Variants in PALM2AKAP2 observed in about 807,000 individuals in gnomAD.
PALM2AKAP2 encodes PALM2-AKAP2 fusion protein.
Under a neutral mutation model 71.5 loss-of-function variants are expected in PALM2AKAP2, and 37 were observed. The observed-to-expected ratio is 0.52, with a 90% CI of 0.40 to 0.68. The LOEUF is 0.68. PALM2AKAP2 is among the 30% of genes least tolerant of loss of function. The probability of loss-of-function intolerance (pLI) is 0.00; values close to 1 mark genes in which losing one functional copy is unlikely to be tolerated. For synonymous variants in PALM2AKAP2, 468 were observed against 478.8 expected (o/e 0.98, Z 0.29); for missense variants, 1,224 against 1,191.8 (o/e 1.03, Z -0.40).
intron 5 of PALM2AKAP2, among the ~76,000 whole-genome samples, chr9:109,926,014 G>C (rs1830948970): frequency 6.6e-6 from 1 of 152,152 alleles, no homozygotes; most frequent in African/African-American, 2.4e-5. Flanking sequence ...CAAGGCTGCA[G>C]TGAGCTATGG....
chr9:110,161,849 A>C (rs997047331), intron 3 of PALM2AKAP2, among the ~76,000 whole-genome samples: 3 of 152,102 alleles, frequency 2.0e-5, no homozygotes, highest in Admixed American at 1.3e-4. Context: ...AACGTTTTGA[A>C]TTAACAAAGT....
chr9:110,105,940 G>A (rs1835109325), intron 1 of PALM2AKAP2, among the ~76,000 whole-genome samples: 1 of 148,246 alleles, frequency 6.7e-6, no homozygotes, highest in African/African-American at 2.4e-5. Flanking sequence ...AGTCTAGGCT[G>A]TTTTATATAT....
At chr9:109,742,420 T>C (rs1190959643) in intron 1 of PALM2AKAP2, among the ~76,000 whole-genome samples, 1 of 152,204 alleles carries the variant, frequency 6.6e-6, no homozygotes, top group Non-Finnish European at 1.5e-5. Flanking sequence ...ATGAGCCTTA[T>C]GTATGAGCAG....
At chr9:109,686,614 T>C (rs188306780) in intron 1 of PALM2AKAP2, among the ~76,000 whole-genome samples, 6 of 151,994 alleles carry the variant, frequency 3.9e-5, no homozygotes, top group African/African-American at 1.2e-4. Context: ...TGTTGTTCCA[T>C]TTATTTATTT....
At chr9:109,898,404 T>A (rs1471894649) in intron 3 of PALM2AKAP2, among the ~76,000 whole-genome samples, 5 of 152,232 alleles carry the variant, frequency 3.3e-5, no homozygotes, top group Admixed American at 3.3e-4. Context: ...TCTCAGACAT[T>A]TGAAAACACA....
At chr9:109,886,450 T>G (rs1261463360) in intron 3 of PALM2AKAP2, among the ~76,000 whole-genome samples, 2 of 152,220 alleles carry the variant, frequency 1.3e-5, no homozygotes, top group Non-Finnish European at 2.9e-5. Context: ...GTTTTTAACT[T>G]CCTTTGATTA....
exon 2 of PALM2AKAP2, chr9:110,137,898 C>T (rs749905022): frequency 5.0e-6 from 8 of 1,614,210 alleles, no homozygotes; most frequent in Non-Finnish European, 6.8e-6. Context: ...TCCCCTTCCT[C>T]CACGCTGGGG....
chr9:109,875,834 C>A (rs1398536739), intron 2 of PALM2AKAP2, among the ~76,000 whole-genome samples: 1 of 152,176 alleles, frequency 6.6e-6, no homozygotes, highest in East Asian at 1.9e-4. Context: ...GCTGGCCAGG[C>A]CAGTAGAGCC....
intron 3 of PALM2AKAP2, among the ~76,000 whole-genome samples, chr9:110,165,988 T>C (rs1238577702): frequency 6.6e-6 from 1 of 152,222 alleles, no homozygotes; most frequent in African/African-American, 2.4e-5. Flanking sequence ...AGATTTATTT[T>C]TAGCTTTGAT....
At chr9:110,013,754 A>G (rs1832924810) in intron 6 of PALM2AKAP2, among the ~76,000 whole-genome samples, 1 of 152,246 alleles carries the variant, frequency 6.6e-6, no homozygotes. Flanking sequence ...AAAAGTAACC[A>G]GTGTTAATAC....
At chr9:110,168,372 G>A (rs757538948) in intron 3 of PALM2AKAP2, 27 bp from the exon 11 acceptor site, 6 of 1,610,084 alleles carry the variant, frequency 3.7e-6, no homozygotes, top group Non-Finnish European at 5.1e-6. Flanking sequence ...CATGAACTCT[G>A]CATAATTTTT....
chr9:109,983,671 C>A (rs948179314), intron 6 of PALM2AKAP2, among the ~76,000 whole-genome samples: 3 of 151,902 alleles, frequency 2.0e-5, no homozygotes, highest in Non-Finnish European at 1.5e-5. Flanking sequence ...TCGAGACCAG[C>A]CTGACCAACA....
chr9:109,699,786 T>TG (rs1329351130), intron 1 of PALM2AKAP2, among the ~76,000 whole-genome samples: 1 of 151,814 alleles, frequency 6.6e-6, no homozygotes, highest in African/African-American at 2.4e-5. Context: ...TTATTTTTTT[T>TG]TTTTTTGAGA....
chr9:109,933,977 A>T (rs757950425), intron 6 of PALM2AKAP2, among the ~76,000 whole-genome samples: 1 of 152,218 alleles, frequency 6.6e-6, no homozygotes, highest in African/African-American at 2.4e-5. Flanking sequence ...TGCTTTAGGA[A>T]TGTCCTTTTG....
intron 1 of PALM2AKAP2, among the ~76,000 whole-genome samples, chr9:109,748,140 C>T (rs907937544): frequency 3.3e-5 from 5 of 152,188 alleles, no homozygotes; most frequent in Non-Finnish European, 7.4e-5. Flanking sequence ...AGTTGATTAA[C>T]CACTTGGAAT....
At chr9:109,710,000 C>T (rs1301185492) in intron 1 of PALM2AKAP2, among the ~76,000 whole-genome samples, 1 of 152,062 alleles carries the variant, frequency 6.6e-6, no homozygotes, top group Non-Finnish European at 1.5e-5. Flanking sequence ...GACAGGTGTC[C>T]TTATAAGAAG....
chr9:109,784,579 T>G (rs1024147761), intron 1 of PALM2AKAP2, among the ~76,000 whole-genome samples: 1 of 152,244 alleles, frequency 6.6e-6, no homozygotes, highest in Non-Finnish European at 1.5e-5. Flanking sequence ...TGAAATGCTT[T>G]TCAGCATGTA....
intron 1 of PALM2AKAP2, among the ~76,000 whole-genome samples, chr9:110,087,900 A>G (rs1325592689): frequency 6.6e-6 from 1 of 152,130 alleles, no homozygotes; most frequent in East Asian, 1.9e-4. Flanking sequence ...AAGAAAGGGA[A>G]TGTGGGATGA....
At position 110,035,195 on chromosome 9, in the gene PALM2AKAP2, A is replaced by ATG. The variant is rs542858893; in HGVS notation, c.582+19170_582+19171dup. Among the ~76,000 whole-genome samples the ATG allele has an allele frequency of 5.3e-3, 773 of 144,552 alleles. 22 individuals are homozygous for ATG. The East Asian group carries it at 0.068, about 13-fold the overall frequency. The allele number at this position is 144,552 out of a possible 152,430, so 94.8% of individuals were successfully genotyped here. On this transcript the variant is annotated intron_variant, in intron 7 of 9. Transcript: ENST00000302798. ...CAATGTACTAAATATATATGTGTGCATGTGTGTGTGTGTGTATATATATAA... is the reference window on the plus strand; with the variant it reads ...CAATGTACTAAATATATATGTGTGCATGTGTGTGTGTGTGTGTATATATATAA...
Sources: gnomAD v4.1 joint callset for allele counts (sites outside exome capture counted in the v4.1 genomes callset) on GRCh38, gnomAD v4.1.1 for gene constraint, MANE v1.5 for transcripts, NCBI Gene and HGNC (gene_info 2026-07-23, HGNC 2026-07-21) for gene names.